The following CHCHD3 variants were observed in gnomAD, a reference collection of about 807,000 sequenced individuals.
CHCHD3 encodes MICOS complex subunit MIC19.
A neutral mutation model predicts 38.2 loss-of-function variants in CHCHD3; 20 were observed. The observed-to-expected ratio is 0.52, with a 90% confidence interval of 0.37 to 0.76. CHCHD3 has a LOEUF of 0.76. Ranked by LOEUF, CHCHD3 falls within the 30% of genes least tolerant of loss-of-function variation. CHCHD3 has a pLI of 0.00. For missense variants in CHCHD3, 245 were observed against 279.2 expected (o/e 0.88, Z 0.87); for synonymous variants, 82 against 100.0 (o/e 0.82, Z 1.07).
intron 2 of CHCHD3, among the ~76,000 whole-genome samples, chr7:133,050,190 T>C (rs139426107): frequency 0.023 from 3,433 of 151,608 alleles, 132 homozygotes; most frequent in African/African-American, 0.079. Flanking sequence ...CTACTAAAAA[T>C]ACAAAAAATT....
intron 6 of CHCHD3, among the ~76,000 whole-genome samples, chr7:132,803,950 C>T (rs1263863948): frequency 6.6e-6 from 1 of 151,546 alleles, no homozygotes; most frequent in African/African-American, 2.4e-5. Context: ...CAAACTATGA[C>T]ATCTTGTCTT....
intron 1 of CHCHD3, 44 bp downstream of exon 1, chr7:133,081,813 T>G: frequency 6.5e-7 from 1 of 1,541,294 alleles, no homozygotes; most frequent in Non-Finnish European, 8.8e-7. Context: ...GGCCTTGGGG[T>G]CCGAGTCCAA....
intron 3 of CHCHD3, among the ~76,000 whole-genome samples, chr7:132,980,805 G>A (rs1373387228): frequency 6.6e-6 from 1 of 152,130 alleles, no homozygotes; most frequent in Non-Finnish European, 1.5e-5. Flanking sequence ...TGGACAGCAG[G>A]TATAAAATCT....
At chr7:133,039,077 T>C (rs560284294) in intron 2 of CHCHD3, among the ~76,000 whole-genome samples, 21 of 152,366 alleles carry the variant, frequency 1.4e-4, no homozygotes, top group African/African-American at 4.6e-4. Context: ...TGAGGTTTTG[T>C]GGACTTTAGT....
At chr7:132,894,293 T>C (rs958994526) in intron 4 of CHCHD3, among the ~76,000 whole-genome samples, 1 of 152,194 alleles carries the variant, frequency 6.6e-6, no homozygotes, top group Non-Finnish European at 1.5e-5. Context: ...TATTTCATAA[T>C]TTGGATGTTA....
At chr7:132,855,226 C>G (rs550437120) in intron 5 of CHCHD3, among the ~76,000 whole-genome samples, 1 of 152,304 alleles carries the variant, frequency 6.6e-6, no homozygotes, top group South Asian at 2.1e-4. Context: ...CTACAGAGTA[C>G]TTCACTAAGT....
intron 4 of CHCHD3, among the ~76,000 whole-genome samples, chr7:132,956,476 C>T (rs1464472787): frequency 6.6e-6 from 1 of 152,164 alleles, no homozygotes; most frequent in African/African-American, 2.4e-5. Flanking sequence ...AAGAAAAAGT[C>T]CACTCTTGCT....
intron 6 of CHCHD3, chr7:132,830,603 G>A (rs1007123061): frequency 3.3e-5 from 5 of 152,054 alleles, no homozygotes; most frequent in South Asian, 2.1e-4. Flanking sequence ...CTAAATAACC[G>A]AGTCCATGTG....
intron 5 of CHCHD3, among the ~76,000 whole-genome samples, chr7:132,857,136 C>T (rs562603587): frequency 4.6e-5 from 7 of 152,238 alleles, no homozygotes; most frequent in East Asian, 1.9e-4. Flanking sequence ...AAAGTACCTG[C>T]GATGCAAAGC....
chr7:132,793,468 A>G (rs911470625), intron 7 of CHCHD3, among the ~76,000 whole-genome samples: 7 of 152,260 alleles, frequency 4.6e-5, no homozygotes, highest in African/African-American at 1.2e-4. Context: ...TGAAGAGCAC[A>G]TAAGTTAATA....
At chr7:132,913,066 A>G (rs1202103459) in intron 4 of CHCHD3, among the ~76,000 whole-genome samples, 1 of 152,248 alleles carries the variant, frequency 6.6e-6, no homozygotes, top group Non-Finnish European at 1.5e-5. Context: ...TGAAAAACCC[A>G]GAACATCAAT....
At chr7:132,850,870 G>A (rs1808205289) in intron 5 of CHCHD3, among the ~76,000 whole-genome samples, 1 of 152,222 alleles carries the variant, frequency 6.6e-6, no homozygotes, top group African/African-American at 2.4e-5. Flanking sequence ...TTTTTGTAAT[G>A]AGTCTCTAAA....
chr7:132,980,662 A>G (rs890772072), intron 3 of CHCHD3, among the ~76,000 whole-genome samples: 1 of 152,196 alleles, frequency 6.6e-6, no homozygotes, highest in African/African-American at 2.4e-5. Context: ...TATATTGTCA[A>G]TCAGGCGAGG....
chr7:132,796,295 CAACTCAT>C (rs1191704995), intron 7 of CHCHD3, 140 bp downstream of exon 7: 1 of 793,088 alleles, frequency 1.3e-6, no homozygotes, highest in Non-Finnish European at 2.0e-6. Flanking sequence ...ATGCCCTAAT[CAACTCAT>C]TACAGTAATT....
At chr7:132,987,292 A>G (rs541230706) in intron 3 of CHCHD3, among the ~76,000 whole-genome samples, 2 of 152,320 alleles carry the variant, frequency 1.3e-5, no homozygotes, top group Admixed American at 1.3e-4. Flanking sequence ...CCTCATGAAG[A>G]TGCCACTGTT....
At chr7:132,985,360 C>T (rs1335259051) in intron 3 of CHCHD3, among the ~76,000 whole-genome samples, 1 of 71,522 alleles carries the variant, frequency 1.4e-5, no homozygotes, top group Non-Finnish European at 2.9e-5. Context: ...CCAGCCGCCC[C>T]GTCCGGGAAG....
intron 3 of CHCHD3, among the ~76,000 whole-genome samples, chr7:132,986,553 G>A (rs7803008): frequency 0.019 from 2,854 of 152,224 alleles, 103 homozygotes; most frequent in African/African-American, 0.064. Flanking sequence ...GATTAAAGGC[G>A]AATTTAATAC....
chr7:132,908,946 A>G (rs1033027117), intron 4 of CHCHD3, among the ~76,000 whole-genome samples: 8 of 152,080 alleles, frequency 5.3e-5, no homozygotes, highest in Admixed American at 2.6e-4. Flanking sequence ...CTCATCTTCA[A>G]TTGTAGTTCC....
chr7:133,015,274 C>T (rs1812996908), intron 3 of CHCHD3, among the ~76,000 whole-genome samples: 2 of 151,794 alleles, frequency 1.3e-5, no homozygotes, highest in African/African-American at 2.4e-5. Context: ...ACCCAGGAGG[C>T]GGAGGTTGCA....
Sources: gnomAD v4.1 joint callset for allele counts (sites outside exome capture counted in the v4.1 genomes callset) on GRCh38, gnomAD v4.1.1 for gene constraint, MANE v1.5 for transcripts, NCBI Gene and HGNC (gene_info 2026-07-23, HGNC 2026-07-21) for gene names.